Variants in PSTPIP1 observed in about 807,000 individuals in gnomAD.
PSTPIP1 encodes proline-serine-threonine phosphatase-interacting protein 1.
PSTPIP1 carries 66 observed loss-of-function variants against 69.6 expected under a neutral mutation model. The observed-to-expected ratio is 0.95, with a 90% CI of 0.78 to 1.16. PSTPIP1 has a LOEUF of 1.16. PSTPIP1 is among the 50% of genes most tolerant of loss of function. The pLI, the probability that PSTPIP1 is intolerant of heterozygous loss-of-function variation, is 0.00. For synonymous variants in PSTPIP1, 266 were observed against 222.7 expected (o/e 1.19, Z -1.73); for missense variants, 603 against 557.4 (o/e 1.08, Z -0.82).
At chr15:77,000,889 C>T (rs577693562) in intron 1 of PSTPIP1, among the ~76,000 whole-genome samples, 12 of 151,978 alleles carry the variant, frequency 7.9e-5, no homozygotes, top group African/African-American at 2.4e-4. Flanking sequence ...TAAATTGTAG[C>T]GAAATACACA....
At chr15:77,013,141 ATGCAGCTCCG>A (rs900202903) in intron 1 of PSTPIP1, among the ~76,000 whole-genome samples, 1 of 152,204 alleles carries the variant, frequency 6.6e-6, no homozygotes, top group Non-Finnish European at 1.5e-5. Flanking sequence ...CCCCAGCACC[ATGCAGCTCCG>A]TGCAGCTACC....
intron 14 of PSTPIP1, among the ~76,000 whole-genome samples, chr15:77,036,383 T>G (rs1182657615): frequency 1.3e-5 from 2 of 152,168 alleles, no homozygotes; most frequent in Non-Finnish European, 2.9e-5. Context: ...CTGTCCTTCG[T>G]GGCCATGGGT....
rs566918670 is a variant in PSTPIP1 at position 77,028,261 on chromosome 15, C to T, written c.418-293C>T. ...GGGCTCCTAAGAGGGCGCGGCGTGG[C>T]GAGGGGCGTGGCGAGGGGCGTGCCC... is the stretch of plus-strand genomic sequence containing the variant. On this transcript the variant is annotated intron_variant, in intron 6 of 14. Coordinates refer to ENST00000558012, the MANE Select transcript of PSTPIP1 (RefSeq NM_003978.5). 388 of 492,900 alleles carry T rather than the reference C, an allele frequency of 7.9e-4. 2 individuals carry two copies. Among genetic ancestry groups the T allele is most frequent in the South Asian group, 2.9e-3 (115 of 39,598 alleles). 30.5% of individuals were successfully genotyped at this position (492,900 alleles called of 1,614,324 possible).
Position 77,037,358 on chromosome 15 carries a change from T to A in PSTPIP1, c.*182T>A. On this transcript the variant is annotated 3_prime_UTR_variant, in exon 15 of 15. Transcript: ENST00000558012. ...CTTGGTGTGCTGGGGTCCCGTTCTC[T>A]TTTTCTCCTGCTCCAGTGTCCGAGT... 1.3e-6 allele frequency: 1 copy of A among 748,018 alleles called. No individual in the cohort carries two copies. The highest frequency in any genetic ancestry group is 2.0e-6 in the Non-Finnish European group (1 of 493,174). The allele number at this position is 748,018 out of a possible 1,614,324, so 46.3% of individuals were successfully genotyped here.
intron 1 of PSTPIP1, among the ~76,000 whole-genome samples, chr15:77,002,733 G>T (rs1368487431): frequency 6.6e-6 from 1 of 152,196 alleles, no homozygotes; most frequent in South Asian, 2.1e-4. Flanking sequence ...GTTCTGGGTC[G>T]ATTTGGTGTT....
At chr15:77,012,644 G>A (rs747785719) in intron 1 of PSTPIP1, among the ~76,000 whole-genome samples, 19 of 152,198 alleles carry the variant, frequency 1.2e-4, no homozygotes, top group South Asian at 1.2e-3. Context: ...ACTGTAGGGC[G>A]GTGGAAGGAG....
chr15:77,033,968 C>T (rs2076487811), intron 12 of PSTPIP1, among the ~76,000 whole-genome samples: 4 of 152,216 alleles, frequency 2.6e-5, no homozygotes, highest in African/African-American at 7.2e-5. Flanking sequence ...GTCATTTAAG[C>T]AACTGGACAA....
chr15:77,025,652 T>C (rs577696314), intron 5 of PSTPIP1, 48 bp downstream of exon 5: 3 of 1,461,928 alleles, frequency 2.1e-6, no homozygotes, highest in Non-Finnish European at 2.8e-6. Flanking sequence ...ATTGCCAGCC[T>C]CTCAGTTGCT....
rs78841980 is a variant in PSTPIP1, at chr15:77,004,535, G to A, written c.36+8926G>A. 2.8e-3 allele frequency among the ~76,000 whole-genome samples: 422 copies of A among 152,242 alleles called. 3 individuals are homozygous for A. Among genetic ancestry groups the A allele is most frequent in the South Asian group, 5.2e-3 (25 of 4,822 alleles). ...CGTGGCTAGAGAGAGTGACCAAGGT[G>A]GAGAGTAGTTGGAGATAAGGTAAGA... is the stretch of plus-strand genomic sequence containing the variant. On this transcript the variant is annotated intron_variant, in intron 1 of 14. Transcript: ENST00000558012.
rs1460465562 is a variant in PSTPIP1, at chr15:77,031,485, T to C, written c.741+207T>C. On this transcript the variant is annotated intron_variant, in intron 10 of 14. Transcript: ENST00000558012. ...CACACAGGGCCATGGCTTCTCTGCCTGGAAGATGATGACTCTGTGGTTCCC... is the reference window on the plus strand; with the variant it reads ...CACACAGGGCCATGGCTTCTCTGCCCGGAAGATGATGACTCTGTGGTTCCC... The C allele has an allele frequency of 2.3e-5, 11 of 473,418 alleles. No homozygotes were observed. In the East Asian group the frequency reaches 3.9e-4, roughly 17 times the overall value. The allele number at this position is 473,418 out of a possible 1,614,324, so 29.3% of individuals were successfully genotyped here. A position where few individuals can be genotyped will look rare whatever the true frequency, so the allele number is the denominator to read the frequency against.
chr15:77,019,003 C>T (rs1204835138), intron 3 of PSTPIP1, among the ~76,000 whole-genome samples: 2 of 152,228 alleles, frequency 1.3e-5, no homozygotes, highest in Non-Finnish European at 2.9e-5. Context: ...TGCTGACACA[C>T]TCTGTGGCTC....
At chr15:77,031,376 CTG>C in intron 10 of PSTPIP1, 98 bp downstream of exon 10, 1 of 1,327,328 alleles carries the variant, frequency 7.5e-7, no homozygotes, top group Non-Finnish European at 1.1e-6. Flanking sequence ...ACCTGGTCCT[CTG>C]TGATCCAAGC....
intron 1 of PSTPIP1, among the ~76,000 whole-genome samples, chr15:77,001,246 G>A (rs2075701393): frequency 6.6e-6 from 1 of 152,220 alleles, no homozygotes; most frequent in South Asian, 2.1e-4. Flanking sequence ...GGAGGCTAAT[G>A]GCTATTTTCC....
At chr15:77,006,357 A>T (rs2075816108) in intron 1 of PSTPIP1, among the ~76,000 whole-genome samples, 1 of 152,060 alleles carries the variant, frequency 6.6e-6, no homozygotes, top group African/African-American at 2.4e-5. Context: ...TATTTTCTAG[A>T]TACTCATCCT....
intron 8 of PSTPIP1, among the ~76,000 whole-genome samples, chr15:77,030,281 T>C (rs1222511651): frequency 1.3e-5 from 2 of 152,230 alleles, no homozygotes; most frequent in Admixed American, 6.5e-5. Flanking sequence ...GAGGCTCCAC[T>C]CCAGCCCTCA....
chr15:77,025,641 C>A, intron 5 of PSTPIP1, 37 bp downstream of exon 5: 1 of 1,476,240 alleles, frequency 6.8e-7, no homozygotes. Context: ...GCTGCTCCCC[C>A]ATTGCCAGCC....
intron 7 of PSTPIP1, 99 bp downstream of exon 7, chr15:77,028,751 CTGGG>C: frequency 9.6e-7 from 1 of 1,042,846 alleles, no homozygotes; most frequent in Non-Finnish European, 1.3e-6. Context: ...AGATCTGCAT[CTGGG>C]GATGCTGCTT....
At chr15:77,035,353 C>T (rs2076533436) in intron 12 of PSTPIP1, among the ~76,000 whole-genome samples, 155 bp from the exon 13 acceptor site, 1 of 152,168 alleles carries the variant, frequency 6.6e-6, no homozygotes, top group African/African-American at 2.4e-5. Context: ...CTGAGGGGCA[C>T]CTCATAAATG....
intron 12 of PSTPIP1, among the ~76,000 whole-genome samples, chr15:77,033,998 T>A (rs919527231): frequency 6.6e-6 from 1 of 151,912 alleles, no homozygotes; most frequent in Non-Finnish European, 1.5e-5. Flanking sequence ...CCTGAAGCAG[T>A]ATCAGGAAGG....
Sources: allele counts gnomAD v4.1 joint callset (sites outside exome capture counted in the v4.1 genomes callset), GRCh38; gene constraint gnomAD v4.1.1; transcripts MANE v1.5; gene names NCBI Gene and HGNC (gene_info 2026-07-23, HGNC 2026-07-21).